HEATR5B: variants seen among roughly 807,000 people sequenced by gnomAD.
The protein encoded by HEATR5B is HEAT repeat-containing protein 5B.
In HEATR5B, 156 loss-of-function variants were observed where a neutral mutation model predicts 224.1. That is an observed-to-expected ratio of 0.70 (90% confidence interval 0.61 to 0.80). The LOEUF is 0.80. Ranked by LOEUF, HEATR5B falls within the 30% of genes least tolerant of loss-of-function variation. The probability of loss-of-function intolerance (pLI) is 0.00; values close to 1 mark genes in which losing one functional copy is unlikely to be tolerated. For synonymous variants in HEATR5B, 1,027 were observed against 893.0 expected, an observed-to-expected ratio of 1.15 and a Z score of -2.68; for missense variants, 2,323 against 2,535.5, an observed-to-expected ratio of 0.92 and a Z score of 1.80.
At position 37,056,469 on chromosome 2, in the gene HEATR5B, T is replaced by C. The variant is rs765052217; in HGVS notation, c.2370A>G (p.Val790=). 4 of 1,610,172 alleles carry C rather than the reference T, an allele frequency of 2.5e-6. No individual in the cohort carries two copies. Among genetic ancestry groups the C allele is most frequent in the South Asian group, 1.1e-5 (1 of 90,532 alleles). ...VIDASVALFG[V]VFPHVSYKHR... ...GTTTATAAGAAACATGAGGAAACAC[T>C]ACACCAAAAAGGGCCACAGAAGCAT... The change falls in exon 16 of 36, where the codon GTA becomes GTG. Residue 790 remains valine (V), a synonymous_variant. Coordinates refer to ENST00000233099, the MANE Select transcript of HEATR5B (RefSeq NM_019024.3).
At chr2:36,993,905 T>C (rs1369130197) in intron 33 of HEATR5B, among the ~76,000 whole-genome samples, 2 of 152,012 alleles carry the variant, frequency 1.3e-5, no homozygotes, top group African/African-American at 4.8e-5. Flanking sequence ...ACAACATTAA[T>C]GTTATGAAAG....
At chr2:37,064,165 T>G (rs1479081268) in intron 10 of HEATR5B, among the ~76,000 whole-genome samples, 1 of 152,118 alleles carries the variant, frequency 6.6e-6, no homozygotes, top group Non-Finnish European at 1.5e-5. Flanking sequence ...AAATGCTAAA[T>G]ATTACAATAG....
At chr2:36,992,916 G>C (rs988505473) in intron 33 of HEATR5B, among the ~76,000 whole-genome samples, 1 of 151,886 alleles carries the variant, frequency 6.6e-6, no homozygotes, top group African/African-American at 2.4e-5. Flanking sequence ...TATAGAGACA[G>C]CGTCTTACCA....
chr2:37,003,718 A>G, intron 30 of HEATR5B, 32 bp from the exon 31 acceptor site: 1 of 1,467,446 alleles, frequency 6.8e-7, no homozygotes, highest in Non-Finnish European at 9.2e-7. Flanking sequence ...ACAGTTAAGT[A>G]ATTTCAATCT....
At chr2:37,036,533 CAG>C (rs1314787498) in intron 21 of HEATR5B, among the ~76,000 whole-genome samples, 2 of 149,892 alleles carry the variant, frequency 1.3e-5, no homozygotes, top group Admixed American at 6.6e-5. Context: ...TTTTTTGAGA[CAG>C]AGTTTCACTT....
chr2:37,014,042 A>AT, intron 26 of HEATR5B, 22 bp from the exon 27 acceptor site: 1 of 1,424,258 alleles, frequency 7.0e-7, no homozygotes, highest in African/African-American at 1.4e-5. Context: ...GAATTCAAAA[A>AT]CTTTTGTGTA....
intron 26 of HEATR5B, among the ~76,000 whole-genome samples, chr2:37,017,596 G>C (rs1668198797): frequency 6.9e-6 from 1 of 143,942 alleles, no homozygotes; most frequent in Admixed American, 7.3e-5. Flanking sequence ...TGAGGCAGGA[G>C]AATCGCTTGA....
At chr2:37,067,914 T>G (rs1671682262) in intron 8 of HEATR5B, among the ~76,000 whole-genome samples, 1 of 152,012 alleles carries the variant, frequency 6.6e-6, no homozygotes, top group South Asian at 2.1e-4. Flanking sequence ...ATTATTGATA[T>G]TTATTCATTA....
At chr2:37,011,592 A>T (rs902132346) in intron 27 of HEATR5B, among the ~76,000 whole-genome samples, 1 of 152,196 alleles carries the variant, frequency 6.6e-6, no homozygotes, top group Non-Finnish European at 1.5e-5. Flanking sequence ...TTCTGTATTT[A>T]GTTTTACTGA....
intron 21 of HEATR5B, among the ~76,000 whole-genome samples, chr2:37,034,168 G>A (rs929794876): frequency 9.3e-5 from 14 of 150,192 alleles, no homozygotes; most frequent in Admixed American, 2.7e-4. Flanking sequence ...CACCACGCCC[G>A]GCTAATTTTT....
At chr2:37,079,963 T>C (rs928610770) in intron 2 of HEATR5B, among the ~76,000 whole-genome samples, 1 of 152,092 alleles carries the variant, frequency 6.6e-6, no homozygotes, top group African/African-American at 2.4e-5. Context: ...AACAAATGAA[T>C]AGTATGGGTG....
At chr2:36,999,090 G>A (rs896020352) in intron 33 of HEATR5B, among the ~76,000 whole-genome samples, 4 of 151,854 alleles carry the variant, frequency 2.6e-5, no homozygotes, top group African/African-American at 9.7e-5. Context: ...GTGCGTGCCT[G>A]TAATCCCAGC....
At chr2:37,059,452 A>G (rs74177065) in intron 12 of HEATR5B, among the ~76,000 whole-genome samples, 21 of 98,028 alleles carry the variant, frequency 2.1e-4, no homozygotes, top group African/African-American at 6.3e-4. Context: ...GTGTGTATAT[A>G]TATATATATA....
At chr2:37,028,485 C>T (rs548528418) in intron 23 of HEATR5B, among the ~76,000 whole-genome samples, 196 bp downstream of exon 23, 1 of 151,772 alleles carries the variant, frequency 6.6e-6, no homozygotes, top group Admixed American at 6.6e-5. Context: ...TATATTTTCC[C>T]AACAATATAA....
rs1409939923 is a variant in HEATR5B, at chr2:37,037,941, G to C, written c.3130C>G (p.Gln1044Glu). The C allele has an allele frequency of 6.2e-7, 1 of 1,601,828 alleles. No homozygotes were observed. The highest frequency in any genetic ancestry group is 8.5e-7 in the Non-Finnish European group (1 of 1,172,256). The stretch of plus-strand genomic sequence containing the variant: ...TGAAGGCAAGATATGGCAGCTGCCT[G>C]AACAAGAGAATCTGAATGGTCTTGT... ...ITQDHSDSLV[Q>E]AAAISCLQQL... Residue 1044 changes from glutamine to glutamate, a missense_variant, in exon 21 of 36, where the codon CAG becomes GAG. Coordinates refer to ENST00000233099, the MANE Select transcript of HEATR5B (RefSeq NM_019024.3).
chr2:36,993,020 C>T (rs1395488784), intron 33 of HEATR5B, among the ~76,000 whole-genome samples: 7 of 152,098 alleles, frequency 4.6e-5, no homozygotes, highest in African/African-American at 1.7e-4. Context: ...CCAAGGTGTC[C>T]GGCCCCATTT....
Position 37,084,328 on chromosome 2 carries a change from C to T in HEATR5B, c.-82G>A. 2.4e-6 allele frequency: 1 copy of T among 409,208 alleles called. No homozygotes were observed. The highest frequency in any genetic ancestry group is 4.2e-6 in the Non-Finnish European group (1 of 236,632). The allele number at this position is 409,208 out of a possible 1,614,324, so 25.3% of individuals were successfully genotyped here. A position where few individuals can be genotyped will look rare whatever the true frequency, so the allele number is the denominator to read the frequency against. On this transcript the variant is annotated 5_prime_UTR_variant, in exon 1 of 36. Coordinates refer to ENST00000233099, the MANE Select transcript of HEATR5B (RefSeq NM_019024.3). ...GGGGGTAGAAGCAGCCACCAAGAGACCCGGATGCCCCACCTCCCGCACTCC... is the reference window on the plus strand; with the variant it reads ...GGGGGTAGAAGCAGCCACCAAGAGATCCGGATGCCCCACCTCCCGCACTCC...
At chr2:37,028,633 G>T in intron 23 of HEATR5B, 48 bp downstream of exon 23, 1 of 1,530,298 alleles carries the variant, frequency 6.5e-7, no homozygotes, top group Non-Finnish European at 9.0e-7. Context: ...GTATATATCA[G>T]AAGTAAAACA....
intron 17 of HEATR5B, among the ~76,000 whole-genome samples, chr2:37,052,374 T>G (rs538752648): frequency 6.6e-6 from 1 of 152,288 alleles, no homozygotes; most frequent in African/African-American, 2.4e-5. Flanking sequence ...TTTCTGTTCA[T>G]GCCTTCTACT....
Sources: gnomAD v4.1 joint callset for allele counts (sites outside exome capture counted in the v4.1 genomes callset) on GRCh38, gnomAD v4.1.1 for gene constraint, MANE v1.5 for transcripts, NCBI Gene and HGNC (gene_info 2026-07-23, HGNC 2026-07-21) for gene names.